RIMS2: variants seen among roughly 807,000 people sequenced by gnomAD.
RIMS2 encodes the protein regulating synaptic membrane exocytosis 2.
In RIMS2, 59 loss-of-function variants were observed where a neutral mutation model predicts 174.4. That is an observed-to-expected ratio of 0.34 (90% CI 0.27 to 0.42). RIMS2 has a LOEUF of 0.42. Ranked by LOEUF, RIMS2 falls within the 10% of genes least tolerant of loss-of-function variation. The pLI is 1.00. For synonymous variants in RIMS2, 606 were observed against 572.5 expected (o/e 1.06, Z -0.84); for missense variants, 1,620 against 1,666.3 (o/e 0.97, Z 0.48).
intron 19 of RIMS2, among the ~76,000 whole-genome samples, chr8:104,222,676 A>G (rs1300692090): frequency 6.6e-6 from 1 of 152,250 alleles, no homozygotes; most frequent in Admixed American, 6.5e-5. Flanking sequence ...CTTATAAACT[A>G]CTTTGCCCTA....
chr8:104,144,188 T>C (rs2098609050), intron 19 of RIMS2, among the ~76,000 whole-genome samples: 1 of 152,218 alleles, frequency 6.6e-6, no homozygotes, highest in African/African-American at 2.4e-5. Context: ...TCAACAACTA[T>C]AATTTTGCCA....
intron 1 of RIMS2, among the ~76,000 whole-genome samples, chr8:103,694,633 C>T (rs1338583605): frequency 6.6e-6 from 1 of 151,848 alleles, no homozygotes; most frequent in African/African-American, 2.4e-5. Context: ...GGCTTGGAGG[C>T]TTGGTCTGCA....
Position 103,921,704 on chromosome 8 carries a change from C to T in RIMS2, c.2116C>T (p.Arg706Cys), listed in dbSNP as rs530250614. Residue 706 changes from arginine to cysteine, a missense_variant, in exon 10 of 24, where the codon CGT (arginine) becomes TGT (cysteine). By Grantham distance (180) the Arg-to-Cys change is radical (BLOSUM62 -3). Coordinates refer to ENST00000504942, the Ensembl canonical transcript of RIMS2. ...CTCCTTTGAATCTCAAAAAATGGAT[C>T]GTCCTTCTATTTCTGTTACCTCTCC... 2.1e-5 allele frequency: 32 copies of T among 1,550,928 alleles called. No individual in the cohort carries two copies. The South Asian group carries it at 2.7e-4, about 13-fold the overall frequency.
At chr8:103,728,748 C>CTTTTTTTTTTTTTT (rs71575982) in intron 2 of RIMS2, among the ~76,000 whole-genome samples, 70 of 92,628 alleles carry the variant, frequency 7.6e-4, no homozygotes, top group African/African-American at 1.4e-3. Context: ...TATGCTCCTT[C>CTTTTTTTTTTTTTT]TTTTTTTTTT....
At chr8:103,942,639 A>T in intron 13 of RIMS2, 134 bp from the exon 16 acceptor site, 1 of 582,628 alleles carries the variant, frequency 1.7e-6, no homozygotes, top group Non-Finnish European at 2.8e-6. Context: ...ACAATTTTGC[A>T]ACGTCTAAAT....
chr8:103,572,653 A>G (rs1002751490), intron 1 of RIMS2, among the ~76,000 whole-genome samples: 1 of 151,748 alleles, frequency 6.6e-6, no homozygotes, highest in African/African-American at 2.4e-5. Context: ...TCCAATGATT[A>G]GTGATGATGA....
intron 1 of RIMS2, among the ~76,000 whole-genome samples, chr8:103,649,518 G>A (rs1051038122): frequency 9.9e-5 from 15 of 151,982 alleles, no homozygotes; most frequent in African/African-American, 3.1e-4. Context: ...TCTCCTGGAT[G>A]ATATACTTAA....
At chr8:103,992,070 G>A (rs2094739579) in intron 17 of RIMS2, among the ~76,000 whole-genome samples, 1 of 151,938 alleles carries the variant, frequency 6.6e-6, no homozygotes, top group Non-Finnish European at 1.5e-5. Flanking sequence ...AAAAAAGAGA[G>A]ATAGAGAAAT....
intron 3 of RIMS2, among the ~76,000 whole-genome samples, chr8:103,866,762 A>C (rs1342429425): frequency 6.6e-6 from 1 of 152,128 alleles, no homozygotes; most frequent in East Asian, 1.9e-4. Context: ...TGACAAGTGA[A>C]TCTGTAATTG....
intron 1 of RIMS2, among the ~76,000 whole-genome samples, chr8:103,692,809 C>T (rs1261438306): frequency 1.3e-5 from 2 of 152,168 alleles, no homozygotes; most frequent in Non-Finnish European, 2.9e-5. Flanking sequence ...GGGATACAGT[C>T]TCAGAACTAT....
At chr8:104,206,696 G>A (rs147344687) in intron 19 of RIMS2, among the ~76,000 whole-genome samples, 150 of 152,282 alleles carry the variant, frequency 9.9e-4, no homozygotes, top group African/African-American at 3.4e-3. Flanking sequence ...ATGTGTGAAG[G>A]CTGGGACATA....
At chr8:104,020,290 A>G (rs1224917525) in intron 19 of RIMS2, among the ~76,000 whole-genome samples, 1 of 151,990 alleles carries the variant, frequency 6.6e-6, no homozygotes, top group East Asian at 1.9e-4. Context: ...TATTATAAAG[A>G]CAATGAGGGA....
At chr8:104,069,366 A>C (rs966616460) in intron 19 of RIMS2, among the ~76,000 whole-genome samples, 2 of 152,136 alleles carry the variant, frequency 1.3e-5, no homozygotes, top group African/African-American at 4.8e-5. Flanking sequence ...TTAGAGGTTC[A>C]AAAGTCTTTT....
At chr8:103,730,411 T>A (rs1274305514) in intron 2 of RIMS2, among the ~76,000 whole-genome samples, 2 of 152,204 alleles carry the variant, frequency 1.3e-5, no homozygotes, top group South Asian at 2.1e-4. Flanking sequence ...ATAATTACCT[T>A]CTTTGTCTCT....
At chr8:104,029,878 A>C (rs957759451) in intron 19 of RIMS2, among the ~76,000 whole-genome samples, 3 of 152,198 alleles carry the variant, frequency 2.0e-5, no homozygotes, top group Non-Finnish European at 2.9e-5. Flanking sequence ...AGATAACAAA[A>C]AGTGTAGGTA....
At chr8:104,116,886 ACT>A (rs1193099950) in intron 19 of RIMS2, among the ~76,000 whole-genome samples, 6 of 152,072 alleles carry the variant, frequency 3.9e-5, no homozygotes, top group African/African-American at 1.4e-4. Flanking sequence ...TTTTCTTATC[ACT>A]CTAAGTATAA....
chr8:103,772,686 A>C (rs1428757227), intron 3 of RIMS2, among the ~76,000 whole-genome samples: 1 of 152,152 alleles, frequency 6.6e-6, no homozygotes, highest in Non-Finnish European at 1.5e-5. Flanking sequence ...TAGAGGCATA[A>C]CACTACCTGA....
intron 3 of RIMS2, among the ~76,000 whole-genome samples, chr8:103,870,350 C>G (rs79859133): frequency 1.1e-4 from 17 of 151,520 alleles, no homozygotes; most frequent in African/African-American, 3.9e-4. Flanking sequence ...CCACTCTTAT[C>G]ACCACCACCA....
chr8:104,129,368 G>T (rs554279485), intron 19 of RIMS2, among the ~76,000 whole-genome samples: 15 of 152,256 alleles, frequency 9.9e-5, no homozygotes, highest in African/African-American at 3.4e-4. Flanking sequence ...CTGGGAACGA[G>T]CAAGACCCTG....
Sources: gnomAD v4.1 joint callset for allele counts (sites outside exome capture counted in the v4.1 genomes callset) on GRCh38, gnomAD v4.1.1 for gene constraint, MANE v1.5 for transcripts, NCBI Gene and HGNC (gene_info 2026-07-23, HGNC 2026-07-21) for gene names.